The following BRI3 variants were observed in gnomAD, a reference collection of about 807,000 sequenced individuals.
BRI3 encodes the protein membrane protein BRI3.
A neutral mutation model predicts 12.8 loss-of-function variants in BRI3; 6 were observed. The ratio of observed to expected loss-of-function variants is 0.47; its 90% CI spans 0.26 to 0.93. The LOEUF (loss-of-function observed/expected upper bound fraction) is 0.93, where lower values mean the gene tolerates loss of function less well. Ranked by LOEUF, BRI3 falls within the 40% of genes least tolerant of loss-of-function variation. The pLI is 0.15. For missense variants in BRI3, 134 were observed against 171.1 expected (o/e 0.78, Z 1.21); for synonymous variants, 91 against 76.1 (o/e 1.20, Z -1.02).
At chr7:98,282,502 C>T in intron 2 of BRI3, 49 bp downstream of exon 2, 2 of 1,472,414 alleles carry the variant, frequency 1.4e-6, no homozygotes, top group Non-Finnish European at 1.9e-6. Flanking sequence ...TCTGAGGACC[C>T]CCGCCCTAAC....
chr7:98,283,869 G>A (rs951088195), intron 2 of BRI3, among the ~76,000 whole-genome samples: 3 of 152,324 alleles, frequency 2.0e-5, no homozygotes, highest in African/African-American at 7.2e-5. Context: ...AGAGACCAGC[G>A]GCAGCGAGGG....
downstream of BRI3, chr7:98,293,207 CTGT>C (rs1455562864): frequency 3.0e-5 from 9 of 304,390 alleles, no homozygotes; most frequent in Admixed American, 1.4e-4. Context: ...CTTATTCTGG[CTGT>C]TATTAAGGAA....
At chr7:98,283,117 A>T (rs962834032) in intron 2 of BRI3, 8 of 152,110 alleles carry the variant, frequency 5.3e-5, no homozygotes, top group Non-Finnish European at 1.0e-4. Context: ...GGTTTTGAGG[A>T]TTCACATTTA....
intron 2 of BRI3, among the ~76,000 whole-genome samples, chr7:98,289,649 G>C (rs912270736): frequency 2.0e-5 from 3 of 152,116 alleles, no homozygotes; most frequent in African/African-American, 7.2e-5. Flanking sequence ...GCACTGGCTG[G>C]ATGGGGGGTT....
At chr7:98,290,760 C>A (rs7794612) in intron 2 of BRI3, among the ~76,000 whole-genome samples, 2 of 151,732 alleles carry the variant, frequency 1.3e-5, no homozygotes, top group East Asian at 1.9e-4. Flanking sequence ...CCGCCTCCCA[C>A]AGTGCTGGGA....
chr7:98,292,830 C>T (rs1800025979), downstream of BRI3: 8 of 1,470,564 alleles, frequency 5.4e-6, no homozygotes, highest in South Asian at 5.6e-5. Context: ...CCGTGTGCAG[C>T]GAATCCGTTG....
At chr7:98,313,058 G>A (rs1471228782), downstream of BRI3, among the ~76,000 whole-genome samples, 1 of 151,724 alleles carries the variant, frequency 6.6e-6, no homozygotes, top group African/African-American at 2.4e-5. Context: ...ATCAAGAGTG[G>A]TGGGGGGCTG....
chr7:98,303,321 C>T (rs1295064497), upstream of BRI3, among the ~76,000 whole-genome samples: 3 of 152,284 alleles, frequency 2.0e-5, no homozygotes, highest in South Asian at 2.1e-4. Flanking sequence ...CTGGCTCCTT[C>T]GCCCCAAAGC....
chr7:98,319,841 G>A, the BRI3 span, among the ~76,000 whole-genome samples: 1 of 152,100 alleles, frequency 6.6e-6, no homozygotes, highest in South Asian at 2.1e-4. Context: ...ATGAGCCACC[G>A]CACCTGGCCC....
At chr7:98,319,391 C>T in the BRI3 span, among the ~76,000 whole-genome samples, 1 of 152,172 alleles carries the variant, frequency 6.6e-6, no homozygotes. Context: ...TGCTCTCCCG[C>T]ACACCACCCA....
At chr7:98,282,184 G>A (rs1056338809) in intron 1 of BRI3, among the ~76,000 whole-genome samples, 167 bp from the exon 2 acceptor site, 14 of 152,208 alleles carry the variant, frequency 9.2e-5, no homozygotes, top group Non-Finnish European at 1.3e-4. Context: ...CGAGGCGCTC[G>A]CTGTTGGCAG....
At chr7:98,306,734 G>T in intron 1 of BRI3, 2 of 621,264 alleles carry the variant, frequency 3.2e-6, no homozygotes, top group Non-Finnish European at 2.6e-6. Context: ...TAGAGACAGG[G>T]TCTCGCTCTG....
exon 2 of BRI3, chr7:98,308,136 C>A: frequency 1.6e-6 from 1 of 642,156 alleles, no homozygotes; most frequent in Non-Finnish European, 2.9e-6. Context: ...ATCCCTGCGG[C>A]TGCGGGCTCT....
At chr7:98,296,661 C>T (rs907673515), downstream of BRI3, among the ~76,000 whole-genome samples, 2 of 152,146 alleles carry the variant, frequency 1.3e-5, no homozygotes, top group African/African-American at 4.8e-5. Flanking sequence ...AAAACAAAAA[C>T]AGAAACAACA....
intron 2 of BRI3, among the ~76,000 whole-genome samples, chr7:98,286,005 G>A (rs1194244551): frequency 2.0e-5 from 3 of 152,228 alleles, no homozygotes; most frequent in African/African-American, 7.2e-5. Flanking sequence ...GCCACCATGT[G>A]CGCAGAGGGC....
At chr7:98,296,805 G>C (rs986420048), downstream of BRI3, among the ~76,000 whole-genome samples, 6 of 152,344 alleles carry the variant, frequency 3.9e-5, no homozygotes, top group African/African-American at 1.4e-4. Context: ...CTGCAAAGGA[G>C]ACCCACGAGG....
chr7:98,320,624 C>T, the BRI3 span, among the ~76,000 whole-genome samples: 14 of 151,766 alleles, frequency 9.2e-5, no homozygotes, highest in Admixed American at 2.0e-4. Flanking sequence ...TGTGAGCCGC[C>T]GCGCCAGGCC....
exon 2 of BRI3, chr7:98,309,277 C>T (rs1034754638): frequency 6.6e-6 from 1 of 152,192 alleles, no homozygotes; most frequent in Admixed American, 6.6e-5. Flanking sequence ...GCCTCAGCCT[C>T]CTGAACAGCT....
At chr7:98,289,762 G>A (rs1346732633) in intron 2 of BRI3, among the ~76,000 whole-genome samples, 1 of 152,212 alleles carries the variant, frequency 6.6e-6, no homozygotes, top group Non-Finnish European at 1.5e-5. Flanking sequence ...GTTAATTTCA[G>A]CTGTGTCCAG....
Sources: allele counts gnomAD v4.1 joint callset (sites outside exome capture counted in the v4.1 genomes callset), GRCh38; gene constraint gnomAD v4.1.1; transcripts MANE v1.5; gene names NCBI Gene and HGNC (gene_info 2026-07-23, HGNC 2026-07-21).